Variants in YBEY observed in about 807,000 individuals in gnomAD.
YBEY encodes ybeY metalloendoribonuclease.
Under a neutral mutation model 13.5 loss-of-function variants are expected in YBEY, and 15 were observed. The observed-to-expected ratio is 1.11, with a 90% CI of 0.75 to 1.72. The LOEUF is 1.72. YBEY is among the 40% of genes most tolerant of loss of function. The pLI, the probability that YBEY is intolerant of heterozygous loss-of-function variation, is 0.00. For missense variants in YBEY, 244 were observed against 208.4 expected, an observed-to-expected ratio of 1.17 and a Z score of -1.05; for synonymous variants, 101 against 83.1, an observed-to-expected ratio of 1.21 and a Z score of -1.17.
chr21:46,307,411 T>A, the YBEY span, among the ~76,000 whole-genome samples: 1 of 152,076 alleles, frequency 6.6e-6, no homozygotes, highest in Admixed American at 6.6e-5. Flanking sequence ...GTATGCTTTT[T>A]AGAACCTATG....
At chr21:46,311,998 TCCACCCAC>T in the YBEY span, among the ~76,000 whole-genome samples, 1 of 40,604 alleles carries the variant, frequency 2.5e-5, no homozygotes, top group Non-Finnish European at 4.4e-5. Context: ...CATCCACCCA[TCCACCCAC>T]CCATCCATCC....
At chr21:46,313,171 C>T in the YBEY span, 1 of 480,532 alleles carries the variant, frequency 2.1e-6, no homozygotes, top group Non-Finnish European at 2.7e-6. Flanking sequence ...CAGCTACGGA[C>T]AATGTGGAAA....
At chr21:46,302,940 G>A in the YBEY span, among the ~76,000 whole-genome samples, 1 of 145,020 alleles carries the variant, frequency 6.9e-6, no homozygotes, top group African/African-American at 2.5e-5. Context: ...GGGTCCCCGG[G>A]GCGCGCCCTG....
the YBEY span, among the ~76,000 whole-genome samples, chr21:46,304,789 G>A: frequency 3.9e-5 from 6 of 152,174 alleles, no homozygotes; most frequent in Middle Eastern, 3.2e-3. Flanking sequence ...ATGTAAGCCT[G>A]GAATCTTGAG....
At chr21:46,311,371 A>T in the YBEY span, 2 of 684,484 alleles carry the variant, frequency 2.9e-6, no homozygotes, top group Non-Finnish European at 4.7e-6. Context: ...AGCTGGCCCT[A>T]AGTGACTGTC....
At chr21:46,311,878 G>T in the YBEY span, among the ~76,000 whole-genome samples, 11 of 100,414 alleles carry the variant, frequency 1.1e-4, no homozygotes, top group Non-Finnish European at 2.0e-4. Flanking sequence ...CATCCAACCA[G>T]CCAACCATCC....
the YBEY span, among the ~76,000 whole-genome samples, chr21:46,310,501 A>T: frequency 0.057 from 8,581 of 151,336 alleles, 361 homozygotes; most frequent in Non-Finnish European, 0.089. Context: ...TAAAAATAAA[A>T]AAAAAAAACA....
chr21:46,310,435 C>A, the YBEY span, among the ~76,000 whole-genome samples: 1 of 149,450 alleles, frequency 6.7e-6, no homozygotes, highest in Non-Finnish European at 1.5e-5. Flanking sequence ...GCCAAGATGG[C>A]GCCATTGCAC....
At chr21:46,298,191 T>C (rs942341243), downstream of YBEY, among the ~76,000 whole-genome samples, 1 of 152,172 alleles carries the variant, frequency 6.6e-6, no homozygotes, top group Admixed American at 6.5e-5. Context: ...CTGGGGCTAC[T>C]ACAATTCTGC....
downstream of YBEY, among the ~76,000 whole-genome samples, chr21:46,298,045 C>T (rs769002446): frequency 1.4e-4 from 22 of 152,234 alleles, no homozygotes; most frequent in Non-Finnish European, 2.8e-4. Flanking sequence ...TCAGCGCCAG[C>T]GCACGCCTCT....
downstream of YBEY, chr21:46,301,132 G>C (rs1218815080): frequency 4.2e-6 from 4 of 949,824 alleles, 1 homozygote; most frequent in South Asian, 2.0e-4. Context: ...TACACAGCTT[G>C]CTTCTTTCAC....
intron 4 of YBEY, 31 bp from the exon 5 acceptor site, chr21:46,297,508 G>T: frequency 7.4e-7 from 1 of 1,356,128 alleles, no homozygotes. Context: ...CACCTTCCCT[G>T]GGGAGGGCCA....
chr21:46,297,305 C>A lies in YBEY; in HGVS notation c.409-234C>A, dbSNP rs1213684017. On this transcript the variant is annotated intron_variant, in intron 4 of 4. Coordinates refer to ENST00000397701, the MANE Select transcript of YBEY (RefSeq NM_001314025.2). ...CCCATGCCCCCCTTTCTTCCTCCCA[C>A]TCCCCTCCCGAGGCCCCGCTTATTC... 2.7e-5 allele frequency among the ~76,000 whole-genome samples: 4 copies of A among 150,670 alleles called. No individual in the cohort carries two copies. The South Asian group carries it at 8.5e-4, about 32-fold the overall frequency.
At chr21:46,297,149 A>C (rs1231108620) in intron 4 of YBEY, among the ~76,000 whole-genome samples, 1 of 151,310 alleles carries the variant, frequency 6.6e-6, no homozygotes, top group Non-Finnish European at 1.5e-5. Context: ...AAACGCAAAG[A>C]TTAGCCGGGC....
the YBEY span, among the ~76,000 whole-genome samples, chr21:46,303,746 T>TATATATATATATATA: frequency 1.2e-3 from 14 of 12,050 alleles, no homozygotes; most frequent in East Asian, 4.6e-3. Flanking sequence ...TATATATATA[T>TATATATATATATATA]TTTTTTTTTT....
intron 2 of YBEY, 70 bp from the exon 3 acceptor site, chr21:46,291,264 G>A: frequency 6.3e-7 from 1 of 1,598,398 alleles, no homozygotes; most frequent in Non-Finnish European, 8.5e-7. Flanking sequence ...GATTAACCAG[G>A]ATGAAACCTG....
the YBEY span, among the ~76,000 whole-genome samples, chr21:46,305,435 TCCC>T: frequency 1.3e-5 from 2 of 149,390 alleles, no homozygotes; most frequent in African/African-American, 4.9e-5. Flanking sequence ...GCTCAAGGGA[TCCC>T]CCCATCTCAT....
the YBEY span, chr21:46,312,921 G>C: frequency 5.8e-6 from 5 of 864,094 alleles, no homozygotes; most frequent in South Asian, 1.6e-4. Context: ...TCATGAAAAT[G>C]AACTTTGGTT....
chr21:46,311,340 T>G, the YBEY span: 1 of 474,552 alleles, frequency 2.1e-6, no homozygotes, highest in Non-Finnish European at 3.8e-6. Flanking sequence ...GTTAAAATTA[T>G]TTTCATGTTG....
Sources: gnomAD v4.1 joint callset for allele counts (sites outside exome capture counted in the v4.1 genomes callset) on GRCh38, gnomAD v4.1.1 for gene constraint, MANE v1.5 for transcripts, NCBI Gene and HGNC (gene_info 2026-07-23, HGNC 2026-07-21) for gene names.